Variants in CBL observed in about 807,000 individuals in gnomAD.
The protein encoded by CBL is Cbl proto-oncogene.
CBL carries 45 observed loss-of-function variants against 96.9 expected under a neutral mutation model. The ratio of observed to expected loss-of-function variants is 0.46; its 90% CI spans 0.37 to 0.60. The LOEUF (loss-of-function observed/expected upper bound fraction) is 0.60, where lower values mean the gene tolerates loss of function less well. Ranked by LOEUF, CBL falls within the 20% of genes least tolerant of loss-of-function variation. The probability of loss-of-function intolerance (pLI) is 0.00; values close to 1 mark genes in which losing one functional copy is unlikely to be tolerated. For synonymous variants in CBL, 420 were observed against 426.8 expected (o/e 0.98, Z 0.20); for missense variants, 1,024 against 1,143.5 (o/e 0.90, Z 1.51).
intron 2 of CBL, among the ~76,000 whole-genome samples, chr11:119,255,153 G>A (rs1456963575): frequency 1.3e-5 from 2 of 152,136 alleles, no homozygotes; most frequent in South Asian, 2.1e-4. Flanking sequence ...GTTAAAAAGC[G>A]TGAGTTTGGG....
At chr11:119,223,018 A>G (rs1264187735) in intron 1 of CBL, among the ~76,000 whole-genome samples, 1 of 151,842 alleles carries the variant, frequency 6.6e-6, no homozygotes, top group Non-Finnish European at 1.5e-5. Context: ...GCTGCAAAAA[A>G]TAGTTTAAAA....
chr11:119,265,465 A>G (rs1447290903), intron 2 of CBL, among the ~76,000 whole-genome samples: 2 of 152,218 alleles, frequency 1.3e-5, no homozygotes, highest in African/African-American at 4.8e-5. Context: ...ATTCCCTAAG[A>G]CATAAATTCA....
chr11:119,273,341 G>A (rs189674932), intron 3 of CBL, among the ~76,000 whole-genome samples: 1 of 152,302 alleles, frequency 6.6e-6, no homozygotes, highest in East Asian at 1.9e-4. Context: ...GCCAAGGCAG[G>A]AGGATTTCTT....
chr11:119,249,689 A>G (rs1185998119), intron 2 of CBL, among the ~76,000 whole-genome samples: 1 of 150,636 alleles, frequency 6.6e-6, no homozygotes, highest in East Asian at 1.9e-4. Context: ...TAATTGAGAC[A>G]GGGTCTCCCT....
At chr11:119,274,986 C>G (rs1167632188) in intron 5 of CBL, 33 bp downstream of exon 5, 1 of 1,598,924 alleles carries the variant, frequency 6.3e-7, no homozygotes, top group Non-Finnish European at 8.5e-7. Context: ...ATTTATTCTT[C>G]TGAATTTCGT....
Position 119,305,697 on chromosome 11 carries a change from T to C in CBL, c.*5916T>C, listed in dbSNP as rs1221749037. 1.3e-5 allele frequency: 3 copies of C among 224,958 alleles called. No individual in the cohort carries two copies. The highest frequency in any genetic ancestry group is 6.7e-5 in the African/African-American group (3 of 44,888). 13.9% of individuals were successfully genotyped at this position (224,958 alleles called of 1,614,324 possible). The stretch of plus-strand genomic sequence containing the variant: ...TTTACCGAGAGCTCTTTAGACAGTA[T>C]ACCTGTGTCTTCTCTGGCAATTGCT... On this transcript the variant is annotated 3_prime_UTR_variant, in exon 16 of 16. Transcript: ENST00000264033.
intron 1 of CBL, among the ~76,000 whole-genome samples, chr11:119,227,155 A>C (rs1262473779): frequency 6.6e-6 from 1 of 152,230 alleles, no homozygotes; most frequent in African/African-American, 2.4e-5. Flanking sequence ...CTTTTAGTAC[A>C]GTATTCAATA....
chr11:119,206,740 G>T, intron 1 of CBL, 128 bp downstream of exon 1: 1 of 1,038,656 alleles, frequency 9.6e-7, no homozygotes, highest in Non-Finnish European at 1.4e-6. Context: ...GCGCGGAGCC[G>T]GGGTGACCGG....
chr11:119,208,797 C>G (rs1348698209), intron 1 of CBL, among the ~76,000 whole-genome samples: 1 of 152,120 alleles, frequency 6.6e-6, no homozygotes, highest in African/African-American at 2.4e-5. Flanking sequence ...CAAATAAAAT[C>G]CTCCCTTAAG....
intron 1 of CBL, among the ~76,000 whole-genome samples, chr11:119,223,693 C>G (rs1949430167): frequency 6.6e-6 from 1 of 151,974 alleles, no homozygotes; most frequent in East Asian, 1.9e-4. Flanking sequence ...GTGGCGTGAT[C>G]TCAGCTCACT....
At chr11:119,288,902 C>T (rs114008043) in intron 12 of CBL, among the ~76,000 whole-genome samples, 12 of 152,256 alleles carry the variant, frequency 7.9e-5, no homozygotes, top group East Asian at 1.9e-4. Flanking sequence ...AGATGTTTTA[C>T]GGTATTCCAC....
chr11:119,305,778 T>C lies in CBL; in HGVS notation c.*5997T>C, dbSNP rs1367691866. On this transcript the variant is annotated 3_prime_UTR_variant, in exon 16 of 16. Transcript: ENST00000264033. ...TTTCTGTTTTTTTTTAAAACTATGC[T>C]TTTGCTTGCCTAAATCTTTTGATCT... is the stretch of plus-strand genomic sequence containing the variant. 1 of 228,660 alleles carries C rather than the reference T, an allele frequency of 4.4e-6. No homozygotes were observed. Among genetic ancestry groups the C allele is most frequent in the Non-Finnish European group, 8.7e-6 (1 of 115,096 alleles). The allele number at this position is 228,660 out of a possible 1,614,324, so 14.2% of individuals were successfully genotyped here. A position where few individuals can be genotyped will look rare whatever the true frequency, so the allele number is the denominator to read the frequency against.
intron 1 of CBL, among the ~76,000 whole-genome samples, chr11:119,219,356 C>T (rs1382638855): frequency 6.8e-6 from 1 of 146,392 alleles, no homozygotes; most frequent in Non-Finnish European, 1.5e-5. Flanking sequence ...CCAGCCTGGG[C>T]ACAGAGTGAG....
chr11:119,222,332 A>G (rs1182046617), intron 1 of CBL, among the ~76,000 whole-genome samples: 2 of 152,236 alleles, frequency 1.3e-5, no homozygotes, highest in East Asian at 3.8e-4. Flanking sequence ...ATTTTCAAGC[A>G]TAGTTTTATT....
intron 1 of CBL, among the ~76,000 whole-genome samples, chr11:119,223,461 G>A (rs1055159184): frequency 6.6e-6 from 1 of 150,562 alleles, no homozygotes; most frequent in South Asian, 2.1e-4. Flanking sequence ...ACAGAGTCTC[G>A]CTCTGTCACC....
intron 12 of CBL, among the ~76,000 whole-genome samples, chr11:119,289,196 G>A (rs1418723783): frequency 6.6e-6 from 1 of 152,132 alleles, no homozygotes; most frequent in African/African-American, 2.4e-5. Context: ...ATGAGGTCAA[G>A]TTTGTTAATT....
intron 9 of CBL, among the ~76,000 whole-genome samples, 190 bp downstream of exon 9, chr11:119,278,903 A>G (rs1949911212): frequency 6.6e-6 from 1 of 152,250 alleles, no homozygotes; most frequent in African/African-American, 2.4e-5. Context: ...CTACAGCCCT[A>G]TGAGTACATA....
intron 1 of CBL, among the ~76,000 whole-genome samples, chr11:119,213,935 ATCTTT>A (rs1036585501): frequency 1.9e-4 from 28 of 148,080 alleles, no homozygotes; most frequent in African/African-American, 4.8e-4. Flanking sequence ...GGGGGCATTC[ATCTTT>A]TCTTTTCTTT....
chr11:119,266,196 C>A (rs977295273), intron 2 of CBL, among the ~76,000 whole-genome samples: 9 of 151,962 alleles, frequency 5.9e-5, no homozygotes, highest in Non-Finnish European at 1.2e-4. Flanking sequence ...AATTTATCTC[C>A]TCATACTGTA....
Sources: allele counts gnomAD v4.1 joint callset (sites outside exome capture counted in the v4.1 genomes callset), GRCh38; gene constraint gnomAD v4.1.1; transcripts MANE v1.5; gene names NCBI Gene and HGNC (gene_info 2026-07-23, HGNC 2026-07-21).